DENND1B: variants seen among roughly 807,000 people sequenced by gnomAD.
The protein encoded by DENND1B is DENN domain containing 1B, also known as DENN domain-containing protein 1B.
In DENND1B, 59 loss-of-function variants were observed where a neutral mutation model predicts 90.1. That is an observed-to-expected ratio of 0.65 (90% confidence interval 0.53 to 0.81). The LOEUF is 0.81. Ranked by LOEUF, DENND1B falls within the 40% of genes least tolerant of loss-of-function variation. DENND1B has a pLI of 0.00. For synonymous variants in DENND1B, 337 were observed against 324.6 expected, an observed-to-expected ratio of 1.04 and a Z score of -0.41; for missense variants, 862 against 912.6, an observed-to-expected ratio of 0.94 and a Z score of 0.71.
intron 20 of DENND1B, among the ~76,000 whole-genome samples, chr1:197,526,080 A>G (rs1475105235): frequency 6.6e-6 from 1 of 152,124 alleles, no homozygotes; most frequent in Non-Finnish European, 1.5e-5. Flanking sequence ...AAAACATGTT[A>G]GGAAATATAA....
In DENND1B at chr1:197,507,298, G is replaced by A. The variant is rs1047929793; in HGVS notation, c.*3162C>T. ...CAGTTACTGTACCCTGCATATGACT[G>A]GTACAAAAAGTCAATGAATAGTTTT... On this transcript the variant is annotated 3_prime_UTR_variant, in exon 23 of 23. Transcript: ENST00000620048. 1.3e-5 allele frequency: 2 copies of A among 150,498 alleles called. No individual in the cohort carries two copies. Among genetic ancestry groups the A allele is most frequent in the African/African-American group, 4.9e-5 (2 of 41,104 alleles). 9.3% of individuals were successfully genotyped at this position (150,498 alleles called of 1,614,324 possible).
At chr1:197,727,426 T>C (rs1227204314) in intron 2 of DENND1B, among the ~76,000 whole-genome samples, 1 of 151,582 alleles carries the variant, frequency 6.6e-6, no homozygotes, top group Non-Finnish European at 1.5e-5. Context: ...TCCCAGCTAC[T>C]TGGGAGGCTG....
intron 20 of DENND1B, among the ~76,000 whole-genome samples, chr1:197,519,094 C>G (rs1183023344): frequency 1.3e-5 from 2 of 151,914 alleles, no homozygotes; most frequent in East Asian, 3.9e-4. Context: ...GTAATTATTA[C>G]ATTGTGGATA....
intron 15 of DENND1B, among the ~76,000 whole-genome samples, chr1:197,574,966 C>T (rs1047753771): frequency 6.6e-6 from 1 of 152,100 alleles, no homozygotes; most frequent in African/African-American, 2.4e-5. Context: ...GACTTAAATG[C>T]TAGACCTAAA....
chr1:197,757,145 T>A (rs188703829), intron 2 of DENND1B, among the ~76,000 whole-genome samples: 66 of 152,228 alleles, frequency 4.3e-4, no homozygotes, highest in African/African-American at 1.6e-3. Context: ...TTCATATAAT[T>A]TATTATCTCT....
chr1:197,629,321 T>C (rs1679099205), intron 10 of DENND1B, among the ~76,000 whole-genome samples: 1 of 151,902 alleles, frequency 6.6e-6, no homozygotes, highest in Admixed American at 6.6e-5. Flanking sequence ...ATGTGGCACA[T>C]ATACACCATG....
intron 8 of DENND1B, among the ~76,000 whole-genome samples, 160 bp from the exon 9 acceptor site, chr1:197,645,903 G>A (rs943990207): frequency 4.0e-5 from 6 of 151,586 alleles, no homozygotes; most frequent in African/African-American, 7.3e-5. Context: ...ATGAGTTAGC[G>A]GGTTTATATG....
chr1:197,777,878 G>A (rs1022956204), upstream of DENND1B, among the ~76,000 whole-genome samples: 1 of 152,110 alleles, frequency 6.6e-6, no homozygotes, highest in South Asian at 2.1e-4. Flanking sequence ...TATATATTCT[G>A]CAGCTTTGGG....
Position 197,596,154 on chromosome 1 carries a change from C to T in DENND1B, c.922-821G>A, listed in dbSNP as rs534798740. ...TGTTTCAAATCAAAGAAAAACTTAC[C>T]TAAAAATGTGCATAATTTTAAAAGA... On this transcript the variant is annotated intron_variant, in intron 13 of 22. Coordinates refer to ENST00000620048, the MANE Select transcript of DENND1B (RefSeq NM_001195215.2). Among the ~76,000 whole-genome samples, 4 of 152,056 alleles carry T rather than the reference C, an allele frequency of 2.6e-5. No homozygotes were observed. In the South Asian group the frequency reaches 8.3e-4, roughly 32 times the overall value.
At chr1:197,522,594 T>C (rs902232195) in intron 20 of DENND1B, among the ~76,000 whole-genome samples, 2 of 152,176 alleles carry the variant, frequency 1.3e-5, no homozygotes, top group Admixed American at 6.6e-5. Context: ...CTAAGAATCA[T>C]ATCTTTTCAT....
At chr1:197,690,125 AGAGTCTGTT>A (rs1657706217) in intron 3 of DENND1B, 5 of 248,936 alleles carry the variant, frequency 2.0e-5, no homozygotes, top group Non-Finnish European at 4.0e-5. Flanking sequence ...CAACTGAAGT[AGAGTCTGTT>A]GAAATGCACC....
intron 15 of DENND1B, among the ~76,000 whole-genome samples, chr1:197,559,759 T>C (rs554588935): frequency 8.8e-4 from 134 of 152,038 alleles, no homozygotes; most frequent in African/African-American, 3.1e-3. Flanking sequence ...CTTAGAAATG[T>C]TCAGTAAACC....
At chr1:197,561,806 GCTTTCTCTCAT>G (rs2125705349) in intron 15 of DENND1B, among the ~76,000 whole-genome samples, 1 of 151,862 alleles carries the variant, frequency 6.6e-6, no homozygotes, top group South Asian at 2.1e-4. Context: ...CCATGACTCT[GCTTTCTCTCAT>G]CTTTATATCA....
chr1:197,571,553 C>T (rs996818268), intron 15 of DENND1B, among the ~76,000 whole-genome samples: 4 of 152,184 alleles, frequency 2.6e-5, no homozygotes, highest in African/African-American at 9.7e-5. Context: ...TCTAGTCACT[C>T]AATCTAAATT....
chr1:197,578,020 AAATAAT>A (rs1382882760), intron 15 of DENND1B, among the ~76,000 whole-genome samples: 1 of 152,188 alleles, frequency 6.6e-6, no homozygotes, highest in Non-Finnish European at 1.5e-5. Flanking sequence ...TTAACAGTTT[AAATAAT>A]AATAATAAAG....
chr1:197,506,561 C>G lies in DENND1B; in HGVS notation c.*3899G>C, dbSNP rs576698709. ...AAATAATCAGTCTTTTCCTGAAAAT[C>G]CACATTTTCTACAAGAGAATGAAGG... On this transcript the variant is annotated 3_prime_UTR_variant, in exon 23 of 23. Transcript: ENST00000620048. 6.6e-6 allele frequency: 1 copy of G among 151,422 alleles called. No homozygotes were observed. Among genetic ancestry groups the G allele is most frequent in the South Asian group, 2.1e-4 (1 of 4,806 alleles). The allele number at this position is 151,422 out of a possible 1,614,324, so 9.4% of individuals were successfully genotyped here.
rs1225778518 is a variant in DENND1B at position 197,617,107 on chromosome 1, T to C, written c.773+552A>G. 2.0e-5 allele frequency among the ~76,000 whole-genome samples: 3 copies of C among 151,066 alleles called. No homozygotes were observed. The East Asian group carries it at 5.9e-4, about 30-fold the overall frequency. ...GAACTACTCCCAATACTTTTCAACATTGCTTTTCATGGTGGATCAAGGCTG... is the reference window on the plus strand; with the variant it reads ...GAACTACTCCCAATACTTTTCAACACTGCTTTTCATGGTGGATCAAGGCTG... On this transcript the variant is annotated intron_variant, in intron 11 of 22. Transcript: ENST00000620048.
intron 3 of DENND1B, among the ~76,000 whole-genome samples, chr1:197,677,735 T>A (rs1186442778): frequency 2.0e-5 from 3 of 152,108 alleles, no homozygotes; most frequent in African/African-American, 7.2e-5. Context: ...GGACTAGGAG[T>A]AACTACATCA....
intron 2 of DENND1B, among the ~76,000 whole-genome samples, chr1:197,747,804 G>A (rs981591543): frequency 6.6e-6 from 1 of 152,204 alleles, no homozygotes; most frequent in Non-Finnish European, 1.5e-5. Context: ...TGCATTTGCA[G>A]GCAACCACCT....
Sources: gnomAD v4.1 joint callset for allele counts (sites outside exome capture counted in the v4.1 genomes callset) on GRCh38, gnomAD v4.1.1 for gene constraint, MANE v1.5 for transcripts, NCBI Gene and HGNC (gene_info 2026-07-23, HGNC 2026-07-21) for gene names.